Variants in CFAP92 observed in about 807,000 individuals in gnomAD.
CFAP92 encodes the protein uncharacterized protein CFAP92.
In CFAP92, 86 loss-of-function variants were observed where a neutral mutation model predicts 106.3. The observed-to-expected ratio is 0.81, with a 90% CI of 0.68 to 0.97. The LOEUF (loss-of-function observed/expected upper bound fraction) is 0.97, where lower values mean the gene tolerates loss of function less well. CFAP92 is among the 50% of genes least tolerant of loss of function. The pLI, the probability that CFAP92 is intolerant of heterozygous loss-of-function variation, is 0.00. For synonymous variants in CFAP92, 477 were observed against 506.4 expected, an observed-to-expected ratio of 0.94 and a Z score of 0.78; for missense variants, 1,204 against 1,283.8, an observed-to-expected ratio of 0.94 and a Z score of 0.95.
chr3:128,963,080 G>T (rs1367671728), intron 9 of CFAP92, among the ~76,000 whole-genome samples: 1 of 152,164 alleles, frequency 6.6e-6, no homozygotes, highest in Non-Finnish European at 1.5e-5. Context: ...TTCACAGACA[G>T]CCCCCATTAC....
At chr3:128,987,917 C>G in intron 3 of CFAP92, 88 bp from the exon 4 acceptor site, 1 of 1,155,650 alleles carries the variant, frequency 8.7e-7, no homozygotes, top group South Asian at 1.5e-5. Flanking sequence ...CCAGCCTGGC[C>G]CTCAGCAGCA....
chr3:128,969,496 T>TG lies in CFAP92; in HGVS notation c.1168+1790dup, dbSNP rs539978716. ...TTGAAGCAGGAGAATTGCTTAAACC[T>TG]GGGGGGGCAGAGGCTGTAGTGAGCC... On this transcript the variant is annotated intron_variant, in intron 8 of 15. Coordinates refer to ENST00000645291, the MANE Select transcript of CFAP92 (RefSeq NM_001394090.1). 6.6e-4 allele frequency: 100 copies of TG among 150,876 alleles called. 1 individual carries two copies. The highest frequency in any genetic ancestry group is 2.3e-3 in the African/African-American group (95 of 40,960). 9.3% of individuals were successfully genotyped at this position (150,876 alleles called of 1,614,324 possible).
chr3:128,950,266 G>A (rs1341750116), intron 9 of CFAP92, among the ~76,000 whole-genome samples: 1 of 152,150 alleles, frequency 6.6e-6, no homozygotes, highest in Non-Finnish European at 1.5e-5. Flanking sequence ...GTAGAACCCA[G>A]GGGTTCCCAC....
chr3:129,004,726 A>T (rs1944992839), upstream of CFAP92, among the ~76,000 whole-genome samples: 1 of 152,088 alleles, frequency 6.6e-6, no homozygotes, highest in African/African-American at 2.4e-5. Flanking sequence ...TATGTGGCTT[A>T]ACTCATTTAA....
intron 10 of CFAP92, among the ~76,000 whole-genome samples, chr3:128,943,480 C>A (rs1939865829): frequency 6.6e-6 from 1 of 152,064 alleles, no homozygotes; most frequent in Non-Finnish European, 1.5e-5. Flanking sequence ...TTGTGTCTGG[C>A]TTCTTTGACT....
intron 5 of CFAP92, 118 bp from the exon 6 acceptor site, chr3:128,977,184 A>G (rs6803661): frequency 0.015 from 10,637 of 724,856 alleles, 413 homozygotes; most frequent in African/African-American, 0.11. Flanking sequence ...GGGATGTGGT[A>G]AGGCCTGGGA....
At chr3:128,960,882 A>T (rs931732161) in intron 9 of CFAP92, among the ~76,000 whole-genome samples, 14 of 150,332 alleles carry the variant, frequency 9.3e-5, no homozygotes, top group Non-Finnish European at 1.9e-4. Context: ...CTTCTCCTTC[A>T]CCCTTAGCGG....
chr3:128,959,149 G>A (rs1941672851), intron 9 of CFAP92, among the ~76,000 whole-genome samples: 2 of 152,284 alleles, frequency 1.3e-5, no homozygotes, highest in South Asian at 2.1e-4. Flanking sequence ...GGTGGAGGTT[G>A]TGGTGAGCTG....
chr3:128,986,567 T>G (rs982916882), intron 4 of CFAP92, among the ~76,000 whole-genome samples: 2 of 152,202 alleles, frequency 1.3e-5, no homozygotes, highest in African/African-American at 4.8e-5. Context: ...ATCTTACAAT[T>G]AATGCCATGT....
chr3:128,991,035 T>TA (rs796811634), intron 2 of CFAP92, among the ~76,000 whole-genome samples: 10 of 152,314 alleles, frequency 6.6e-5, no homozygotes, highest in Admixed American at 3.3e-4. Context: ...ATTGGCATGA[T>TA]AAAAAAATAC....
chr3:128,977,443 A>C, intron 5 of CFAP92, among the ~76,000 whole-genome samples: 1 of 152,250 alleles, frequency 6.6e-6, no homozygotes, highest in Non-Finnish European at 1.5e-5. Flanking sequence ...AATACTACAT[A>C]GCCACCACAC....
rs918446149 is a variant in CFAP92 at position 128,964,991 on chromosome 3, A to G, written c.1353+520T>C. Among the ~76,000 whole-genome samples, 4 of 152,262 alleles carry G rather than the reference A, an allele frequency of 2.6e-5. No homozygotes were observed. In the South Asian group the frequency reaches 8.3e-4, roughly 31 times the overall value. ...GCCTCTGAGCCCAGGCCAGGCCATCACATCCCCTGTGACTTGCACGTATAC... is the reference window on the plus strand; with the variant it reads ...GCCTCTGAGCCCAGGCCAGGCCATCGCATCCCCTGTGACTTGCACGTATAC... On this transcript the variant is annotated intron_variant, in intron 9 of 15. Coordinates refer to ENST00000645291, the MANE Select transcript of CFAP92 (RefSeq NM_001394090.1).
intron 4 of CFAP92, among the ~76,000 whole-genome samples, chr3:128,982,719 T>C (rs975763600): frequency 2.0e-5 from 3 of 152,200 alleles, no homozygotes; most frequent in African/African-American, 2.4e-5. Context: ...TTAGAGGCCA[T>C]TGTAAGGTTA....
chr3:128,980,960 G>GT, intron 4 of CFAP92, among the ~76,000 whole-genome samples: 1 of 151,744 alleles, frequency 6.6e-6, no homozygotes, highest in East Asian at 1.9e-4. Context: ...TAATGTTGAT[G>GT]TTTTTACCTC....
chr3:129,017,702 A>C, the CFAP92 span, among the ~76,000 whole-genome samples: 1 of 152,070 alleles, frequency 6.6e-6, no homozygotes, highest in Non-Finnish European at 1.5e-5. Flanking sequence ...CCAGAAAGCT[A>C]TCTGCATTTC....
chr3:128,997,727 C>G (rs1458372888), upstream of CFAP92, among the ~76,000 whole-genome samples: 1 of 152,190 alleles, frequency 6.6e-6, no homozygotes, highest in Non-Finnish European at 1.5e-5. Flanking sequence ...GGGCATTTGG[C>G]TTGGGCATTT....
chr3:128,933,840 A>G (rs1420146372), intron 11 of CFAP92, among the ~76,000 whole-genome samples: 2 of 152,208 alleles, frequency 1.3e-5, no homozygotes, highest in Admixed American at 6.5e-5. Context: ...GGGCCACAGA[A>G]TCAAAGAAAA....
chr3:128,978,011 A>C (rs771386087), intron 5 of CFAP92, 34 bp downstream of exon 5: 1 of 1,613,030 alleles, frequency 6.2e-7, no homozygotes, highest in East Asian at 2.2e-5. Context: ...ATCGCCTTGC[A>C]CTCAGCTTGT....
At chr3:129,005,676 G>T (rs866223778), upstream of CFAP92, among the ~76,000 whole-genome samples, 3 of 152,246 alleles carry the variant, frequency 2.0e-5, no homozygotes, top group African/African-American at 7.2e-5. Context: ...CCAGGCTGGG[G>T]GTGGAGCAGC....
Sources: allele counts gnomAD v4.1 joint callset (sites outside exome capture counted in the v4.1 genomes callset), GRCh38; gene constraint gnomAD v4.1.1; transcripts MANE v1.5; gene names NCBI Gene and HGNC (gene_info 2026-07-23, HGNC 2026-07-21).